PUM1: variants seen among roughly 807,000 people sequenced by gnomAD.
PUM1 encodes pumilio RNA binding family member 1, also known as pumilio homolog 1.
PUM1 carries 13 observed loss-of-function variants against 131.8 expected under a neutral mutation model. The observed-to-expected ratio is 0.10, with a 90% CI of 0.06 to 0.16. PUM1 has a LOEUF of 0.16. Among genes scored for constraint, PUM1 ranks in the 10% least tolerant of loss-of-function variants. The probability of loss-of-function intolerance (pLI) is 1.00; values close to 1 mark genes in which losing one functional copy is unlikely to be tolerated. For missense variants in PUM1, 961 were observed against 1,512.4 expected, an observed-to-expected ratio of 0.64 and a Z score of 6.05; for synonymous variants, 509 against 556.5, an observed-to-expected ratio of 0.91 and a Z score of 1.20.
intron 5 of PUM1, among the ~76,000 whole-genome samples, chr1:30,997,289 T>G (rs1294416603): frequency 6.6e-6 from 1 of 152,020 alleles, no homozygotes; most frequent in Non-Finnish European, 1.5e-5. Context: ...CAAGGCAGGA[T>G]CACTTGAGCT....
chr1:30,968,560 G>T, intron 10 of PUM1, 68 bp from the exon 11 acceptor site: 1 of 1,508,720 alleles, frequency 6.6e-7, no homozygotes, highest in Non-Finnish European at 8.9e-7. Flanking sequence ...CCTATGCTCA[G>T]GTTGGGTCAA....
intron 2 of PUM1, among the ~76,000 whole-genome samples, 153 bp from the exon 3 acceptor site, chr1:31,029,017 C>A (rs963712556): frequency 8.5e-5 from 13 of 152,210 alleles, no homozygotes; most frequent in African/African-American, 3.1e-4. Flanking sequence ...TAAACATTCA[C>A]TTACCTTTAA....
chr1:31,020,402 A>C (rs1266428546), intron 3 of PUM1, among the ~76,000 whole-genome samples: 3 of 152,234 alleles, frequency 2.0e-5, no homozygotes, highest in Admixed American at 2.0e-4. Context: ...TATTTTGACT[A>C]CATGGTTTGA....
rs569745585 is a variant in PUM1 at position 31,034,100 on chromosome 1, A to G, written c.364-5236T>C. Among the ~76,000 whole-genome samples, 8 of 152,346 alleles carry G rather than the reference A, an allele frequency of 5.3e-5. No individual in the cohort carries two copies. In the South Asian group the frequency reaches 1.5e-3, roughly 28 times the overall value. Reference sequence around the variant, plus strand: ...TCTTAAAAAGCAGAATAAAGCAAACATTATGTTAAACCATGCATTCTGGAA... The same window carrying G: ...TCTTAAAAAGCAGAATAAAGCAAACGTTATGTTAAACCATGCATTCTGGAA... On this transcript the variant is annotated intron_variant, in intron 2 of 21. Coordinates refer to ENST00000426105, the MANE Select transcript of PUM1 (RefSeq NM_001020658.2).
intron 2 of PUM1, among the ~76,000 whole-genome samples, chr1:31,038,290 G>C (rs1643683372): frequency 6.6e-6 from 1 of 151,980 alleles, no homozygotes; most frequent in South Asian, 2.1e-4. Flanking sequence ...CATGAACTGA[G>C]GGGGTAGAAA....
intron 2 of PUM1, among the ~76,000 whole-genome samples, chr1:31,047,372 C>CAA (rs1643994486): frequency 6.6e-6 from 1 of 152,118 alleles, no homozygotes; most frequent in Admixed American, 6.6e-5. Context: ...AGATGATTTA[C>CAA]CCTATCCTCA....
intron 2 of PUM1, among the ~76,000 whole-genome samples, chr1:31,041,519 C>A (rs1643813701): frequency 6.6e-6 from 1 of 152,096 alleles, no homozygotes; most frequent in Non-Finnish European, 1.5e-5. Context: ...TGGAGGTGAA[C>A]CTAGTGTGTA....
chr1:31,022,917 C>T (rs1643084882), intron 3 of PUM1, among the ~76,000 whole-genome samples: 1 of 152,068 alleles, frequency 6.6e-6, no homozygotes, highest in African/African-American at 2.4e-5. Flanking sequence ...GCCTGCAATC[C>T]CAGCGCTTTG....
chr1:30,994,904 A>T, intron 6 of PUM1, 150 bp downstream of exon 6: 1 of 763,902 alleles, frequency 1.3e-6, no homozygotes, highest in Non-Finnish European at 1.9e-6. Context: ...CAGTTAATTT[A>T]CAATCTTTGT....
intron 8 of PUM1, among the ~76,000 whole-genome samples, chr1:30,980,798 G>A (rs771958313): frequency 2.0e-5 from 3 of 152,126 alleles, no homozygotes; most frequent in Non-Finnish European, 4.4e-5. Context: ...GGGAAGAAAC[G>A]TCTAGGCAGT....
intron 3 of PUM1, 28 bp from the exon 4 acceptor site, chr1:31,007,130 T>A: frequency 6.6e-7 from 1 of 1,522,640 alleles, no homozygotes; most frequent in Non-Finnish European, 9.1e-7. Context: ...TAGATGCTTT[T>A]AAAGAATTCA....
chr1:30,967,354 C>G (rs775826816), intron 11 of PUM1, 44 bp from the exon 12 acceptor site: 1 of 1,570,650 alleles, frequency 6.4e-7, no homozygotes, highest in South Asian at 1.1e-5. Flanking sequence ...GTTAAACAAA[C>G]AAGTATCTCC....
intron 2 of PUM1, among the ~76,000 whole-genome samples, chr1:31,043,872 C>G (rs1643895533): frequency 6.6e-6 from 1 of 152,120 alleles, no homozygotes; most frequent in Non-Finnish European, 1.5e-5. Context: ...CTCCCATCCC[C>G]CATTTCTAAT....
At chr1:31,059,694 G>T in intron 1 of PUM1, 117 bp from the exon 2 acceptor site, 1 of 1,219,872 alleles carries the variant, frequency 8.2e-7, no homozygotes, top group Non-Finnish European at 1.1e-6. Context: ...TTGGTGGCAT[G>T]CACTCTGGCA....
intron 21 of PUM1, among the ~76,000 whole-genome samples, chr1:30,934,373 C>G (rs1024586807): frequency 6.6e-6 from 1 of 152,216 alleles, no homozygotes; most frequent in African/African-American, 2.4e-5. Flanking sequence ...GATAAATGTA[C>G]CGCAGTAGAC....
chr1:31,065,552 A>T, intron 1 of PUM1, 64 bp downstream of exon 1: 2 of 1,520,890 alleles, frequency 1.3e-6, no homozygotes, highest in Non-Finnish European at 1.8e-6. Context: ...ACCAATATGA[A>T]GGGACAATCT....
intron 1 of PUM1, 80 bp downstream of exon 1, chr1:31,065,536 T>C: frequency 6.8e-7 from 1 of 1,465,758 alleles, no homozygotes. Flanking sequence ...ACAACCACTC[T>C]CAAACACCAA....
intron 2 of PUM1, among the ~76,000 whole-genome samples, chr1:31,052,606 AC>A (rs1644138616): frequency 1.3e-5 from 2 of 150,608 alleles, no homozygotes; most frequent in Admixed American, 1.3e-4. Context: ...GCCTCAAGCA[AC>A]CCTCCTGACC....
At chr1:30,993,974 G>C (rs58900250) in intron 6 of PUM1, among the ~76,000 whole-genome samples, 2,479 of 152,300 alleles carry the variant, frequency 0.016, 70 homozygotes, top group African/African-American at 0.056. Flanking sequence ...GGAGGCTGAA[G>C]TGGGAAGACT....
Sources: allele counts gnomAD v4.1 joint callset (sites outside exome capture counted in the v4.1 genomes callset), GRCh38; gene constraint gnomAD v4.1.1; transcripts MANE v1.5; gene names NCBI Gene and HGNC (gene_info 2026-07-23, HGNC 2026-07-21).